The following ROPN1 variants were observed in gnomAD, a reference collection of about 807,000 sequenced individuals.
The protein encoded by ROPN1 is rhophilin associated tail protein 1.
ROPN1 carries 14 observed loss-of-function variants against 20.5 expected under a neutral mutation model. The observed-to-expected ratio is 0.68, with a 90% CI of 0.45 to 1.07. The LOEUF is 1.07. Ranked by LOEUF, ROPN1 falls within the 50% of genes least tolerant of loss-of-function variation. The pLI, the probability that ROPN1 is intolerant of heterozygous loss-of-function variation, is 0.00. For synonymous variants in ROPN1, 76 were observed against 95.7 expected, an observed-to-expected ratio of 0.79 and a Z score of 1.20; for missense variants, 169 against 242.8, an observed-to-expected ratio of 0.70 and a Z score of 2.02.
chr3:123,969,097 G>T lies in ROPN1; in HGVS notation c.*58C>A. 6 of 1,429,904 alleles carry T rather than the reference G, an allele frequency of 4.2e-6. No individual in the cohort carries two copies. The Middle Eastern group carries it at 5.3e-4, about 125-fold the overall frequency. 88.6% of individuals were successfully genotyped at this position (1,429,904 alleles called of 1,614,324 possible). A position where few individuals can be genotyped will look rare whatever the true frequency, so the allele number is the denominator to read the frequency against. ...GATTTTGGGTGGTATATGGGTTTCA[G>T]TCATTCTGAAGTACAATCATCTCTG... On this transcript the variant is annotated 3_prime_UTR_variant, in exon 6 of 6. Transcript: ENST00000405845.
At chr3:123,969,575 G>C (rs2037873265) in intron 5 of ROPN1, among the ~76,000 whole-genome samples, 1 of 152,206 alleles carries the variant, frequency 6.6e-6, no homozygotes, top group African/African-American at 2.4e-5. Flanking sequence ...ACCCACCCTA[G>C]GGTTACAGGT....
At chr3:123,979,549 C>G in intron 2 of ROPN1, 2 of 389,770 alleles carry the variant, frequency 5.1e-6, no homozygotes, top group Non-Finnish European at 1.0e-5. Flanking sequence ...AATTTCATAG[C>G]TGAGAGGCTT....
intron 2 of ROPN1, among the ~76,000 whole-genome samples, chr3:123,978,191 C>A (rs140797215): frequency 1.1e-3 from 163 of 152,238 alleles, no homozygotes; most frequent in African/African-American, 3.0e-3. Context: ...GCCAGTCACC[C>A]CTTGGAGGTC....
chr3:123,979,378 C>T (rs2038088104), intron 2 of ROPN1: 1 of 345,248 alleles, frequency 2.9e-6, no homozygotes, highest in African/African-American at 2.2e-5. Flanking sequence ...TTTCTCTCAA[C>T]GGCCTCTCTC....
chr3:123,980,487 G>A lies in ROPN1; in HGVS notation c.-6C>T, dbSNP rs1313413734. The A allele has an allele frequency of 6.2e-7, 1 of 1,613,860 alleles. No individual in the cohort carries two copies. Among genetic ancestry groups the A allele is most frequent in the Admixed American group, 1.7e-5 (1 of 59,998 alleles). On this transcript the variant is annotated 5_prime_UTR_variant, in exon 2 of 6. Coordinates refer to ENST00000405845, the MANE Select transcript of ROPN1 (RefSeq NM_001317774.2). ...GGCTTATCTGTCTGAGCCATTGATTGGTTGGCCTATTCTCAGGAGAAAAAA... is the reference window on the plus strand; with the variant it reads ...GGCTTATCTGTCTGAGCCATTGATTAGTTGGCCTATTCTCAGGAGAAAAAA...
intron 2 of ROPN1, among the ~76,000 whole-genome samples, chr3:123,977,689 A>G (rs1310471814): frequency 1.3e-5 from 2 of 152,216 alleles, no homozygotes; most frequent in African/African-American, 4.8e-5. Context: ...TCAGGAGAGA[A>G]GAGAAGCCGA....
At chr3:123,973,781 T>C (rs986558594) in intron 4 of ROPN1, among the ~76,000 whole-genome samples, 2 of 152,132 alleles carry the variant, frequency 1.3e-5, no homozygotes, top group East Asian at 1.9e-4. Flanking sequence ...CTCGACACCA[T>C]TGAGAACTGA....
chr3:123,988,690 G>A (rs1265890822), intron 1 of ROPN1, among the ~76,000 whole-genome samples: 2 of 151,928 alleles, frequency 1.3e-5, no homozygotes, highest in African/African-American at 4.8e-5. Flanking sequence ...TTTGGCCCTG[G>A]GTCTATTTAT....
chr3:123,979,946 C>T (rs1430907732), intron 2 of ROPN1: 2 of 369,204 alleles, frequency 5.4e-6, no homozygotes, highest in African/African-American at 2.0e-5. Flanking sequence ...TTCCCTCCCC[C>T]GGCTGCACTG....
At position 123,986,065 on chromosome 3, in the gene ROPN1, T is replaced by C. The variant is rs542157200; in HGVS notation, c.-12-5572A>G. 4.4e-4 allele frequency among the ~76,000 whole-genome samples: 66 copies of C among 149,180 alleles called. 1 individual carries two copies. In the South Asian group the frequency reaches 0.014, roughly 31 times the overall value. On this transcript the variant is annotated intron_variant, in intron 1 of 5. Coordinates refer to ENST00000405845, the MANE Select transcript of ROPN1 (RefSeq NM_001317774.2). Reference sequence around the variant, plus strand: ...TGAAATAAATGATATTTATATTTTGTGAAAATCTAGAATTGTAATTACTAA... The same window carrying C: ...TGAAATAAATGATATTTATATTTTGCGAAAATCTAGAATTGTAATTACTAA...
intron 1 of ROPN1, among the ~76,000 whole-genome samples, chr3:123,988,428 G>A (rs537789133): frequency 6.6e-6 from 1 of 152,268 alleles, no homozygotes; most frequent in East Asian, 1.9e-4. Flanking sequence ...GCATTCCTGT[G>A]AGTCAGAGAT....
intron 4 of ROPN1, among the ~76,000 whole-genome samples, chr3:123,971,968 TAAAG>T (rs947146059): frequency 8.5e-5 from 13 of 152,082 alleles, no homozygotes; most frequent in African/African-American, 2.9e-4. Context: ...AGTTAGGATA[TAAAG>T]AGAGAGCCAC....
At chr3:123,985,992 C>CAAAAAAAAAAAAAAAAAAA (rs35677015) in intron 1 of ROPN1, among the ~76,000 whole-genome samples, 3 of 22,126 alleles carry the variant, frequency 1.4e-4, no homozygotes, top group Admixed American at 9.1e-4. Context: ...GACCTTGTCT[C>CAAAAAAAAAAAAAAAAAAA]AAAAAAAAAA....
At chr3:123,991,838 C>A (rs1437034934) in intron 1 of ROPN1, 84 bp downstream of exon 1, 2 of 152,132 alleles carry the variant, frequency 1.3e-5, no homozygotes. Context: ...AGGGGGCGTC[C>A]GGCAGGGCTC....
chr3:123,972,675 C>A (rs2148990814), intron 4 of ROPN1, among the ~76,000 whole-genome samples: 1 of 152,258 alleles, frequency 6.6e-6, no homozygotes, highest in East Asian at 1.9e-4. Flanking sequence ...TATTACCTAC[C>A]AGAGTAAAAA....
At chr3:123,969,953 G>A in intron 5 of ROPN1, 89 bp downstream of exon 5, 1 of 1,240,724 alleles carries the variant, frequency 8.1e-7, no homozygotes, top group Non-Finnish European at 1.1e-6. Context: ...TGTTTCCAGA[G>A]CAGTATAATA....
At chr3:123,974,602 C>T (rs764612562) in intron 4 of ROPN1, 3 of 152,358 alleles carry the variant, frequency 2.0e-5, no homozygotes, top group Non-Finnish European at 2.9e-5. Context: ...CCTTTTCATA[C>T]CATTTGGTTT....
At chr3:123,971,049 G>A (rs1162013062) in intron 4 of ROPN1, among the ~76,000 whole-genome samples, 5 of 152,026 alleles carry the variant, frequency 3.3e-5, no homozygotes, top group East Asian at 1.9e-4. Flanking sequence ...GATGATGTAC[G>A]GATCATCCTG....
At position 123,992,079 on chromosome 3, in the gene ROPN1, G is replaced by A. The variant is rs1299454190; in HGVS notation, c.-170C>T. ...AGGGCAGCAGCGGCCGGGGGTGACA[G>A]CAGCGGCGGGGCACGACCGCCGTTA... is the stretch of plus-strand genomic sequence containing the variant. On this transcript the variant is annotated 5_prime_UTR_variant, in exon 1 of 6. Coordinates refer to ENST00000405845, the MANE Select transcript of ROPN1 (RefSeq NM_001317774.2). 3 of 121,336 alleles carry A rather than the reference G, an allele frequency of 2.5e-5. No individual in the cohort carries two copies. Among genetic ancestry groups the A allele is most frequent in the Non-Finnish European group, 5.4e-5 (3 of 55,478 alleles). The allele number at this position is 121,336 out of a possible 1,614,324, so 7.5% of individuals were successfully genotyped here.
Sources: allele counts gnomAD v4.1 joint callset (sites outside exome capture counted in the v4.1 genomes callset), GRCh38; gene constraint gnomAD v4.1.1; transcripts MANE v1.5; gene names NCBI Gene and HGNC (gene_info 2026-07-23, HGNC 2026-07-21).